PLCE1: variants seen among roughly 807,000 people sequenced by gnomAD.
The protein encoded by PLCE1 is phospholipase C epsilon 1.
PLCE1 carries 119 observed loss-of-function variants against 242.8 expected under a neutral mutation model. The ratio of observed to expected loss-of-function variants is 0.49; its 90% CI spans 0.42 to 0.57. The LOEUF (loss-of-function observed/expected upper bound fraction) is 0.57. Among genes scored for constraint, PLCE1 ranks in the 20% least tolerant of loss-of-function variants. The pLI is 0.00. For synonymous variants in PLCE1, 945 were observed against 1,017.4 expected, an observed-to-expected ratio of 0.93 and a Z score of 1.35; for missense variants, 2,441 against 2,788.8, an observed-to-expected ratio of 0.88 and a Z score of 2.81.
At chr10:94,168,675 T>A (rs185015132) in intron 3 of PLCE1, among the ~76,000 whole-genome samples, 7 of 152,340 alleles carry the variant, frequency 4.6e-5, no homozygotes, top group African/African-American at 1.7e-4. Context: ...CAGTTTCCCA[T>A]ATGACATCTT....
chr10:94,182,725 G>T (rs1039900787), intron 4 of PLCE1, among the ~76,000 whole-genome samples: 1 of 151,666 alleles, frequency 6.6e-6, no homozygotes, highest in African/African-American at 2.4e-5. Context: ...ACTATAATAG[G>T]CTATCTTAAT....
At chr10:94,308,795 T>C in intron 27 of PLCE1, 96 bp downstream of exon 27, 3 of 811,600 alleles carry the variant, frequency 3.7e-6, no homozygotes, top group Non-Finnish European at 6.6e-6. Flanking sequence ...TGTGAGTTAT[T>C]AATTAGGTAG....
intron 4 of PLCE1, among the ~76,000 whole-genome samples, chr10:94,197,481 A>G (rs1190805190): frequency 2.6e-5 from 4 of 152,178 alleles, no homozygotes; most frequent in African/African-American, 7.2e-5. Context: ...CCACATTCCT[A>G]TCAACACTTG....
chr10:94,022,731 G>A (rs918370863), intron 1 of PLCE1, among the ~76,000 whole-genome samples: 1 of 151,974 alleles, frequency 6.6e-6, no homozygotes, highest in African/African-American at 2.4e-5. Context: ...CTCAGGTAAA[G>A]TGATATGATG....
At chr10:94,135,199 T>C (rs1399920881) in intron 3 of PLCE1, among the ~76,000 whole-genome samples, 1 of 152,174 alleles carries the variant, frequency 6.6e-6, no homozygotes, top group African/African-American at 2.4e-5. Flanking sequence ...CATTCTACAA[T>C]GTATACATAT....
chr10:94,277,446 C>T (rs942194000), intron 19 of PLCE1, among the ~76,000 whole-genome samples: 2 of 152,142 alleles, frequency 1.3e-5, no homozygotes, highest in African/African-American at 4.8e-5. Context: ...ATAGAAGGGT[C>T]CCAGCTGTTG....
chr10:94,056,293 G>A (rs2043901602), intron 2 of PLCE1, among the ~76,000 whole-genome samples: 1 of 152,088 alleles, frequency 6.6e-6, no homozygotes, highest in Admixed American at 6.6e-5. Flanking sequence ...CTTTTCAGAT[G>A]GGGTTGGAAG....
intron 2 of PLCE1, among the ~76,000 whole-genome samples, chr10:94,081,002 C>G (rs960343753): frequency 6.6e-6 from 1 of 152,176 alleles, no homozygotes; most frequent in Non-Finnish European, 1.5e-5. Flanking sequence ...GTTGGAACAC[C>G]TCAAATGAAA....
chr10:94,249,823 G>C (rs1347671076), intron 8 of PLCE1, among the ~76,000 whole-genome samples: 1 of 152,046 alleles, frequency 6.6e-6, no homozygotes, highest in Non-Finnish European at 1.5e-5. Flanking sequence ...CAGAACTGAT[G>C]GCCCATAATC....
intron 20 of PLCE1, among the ~76,000 whole-genome samples, chr10:94,281,941 A>G (rs1389324966): frequency 6.6e-6 from 1 of 151,760 alleles, no homozygotes; most frequent in Non-Finnish European, 1.5e-5. Flanking sequence ...GAGAACAGAA[A>G]TCTACCTGCT....
At chr10:94,040,210 C>T (rs1037039091) in intron 2 of PLCE1, among the ~76,000 whole-genome samples, 2 of 152,204 alleles carry the variant, frequency 1.3e-5, no homozygotes, top group Non-Finnish European at 2.9e-5. Context: ...CCTGCCTCAG[C>T]CTCCGAAAGT....
intron 27 of PLCE1, among the ~76,000 whole-genome samples, chr10:94,311,574 A>G (rs1213722857): frequency 6.6e-6 from 1 of 152,222 alleles, no homozygotes; most frequent in African/African-American, 2.4e-5. Flanking sequence ...ACTGTAGATC[A>G]TCCTGGCCTT....
At chr10:94,041,653 C>T (rs2061769343) in intron 2 of PLCE1, among the ~76,000 whole-genome samples, 5 of 152,152 alleles carry the variant, frequency 3.3e-5, no homozygotes, top group Admixed American at 6.5e-5. Context: ...TCTTCAGAAC[C>T]CCCAGTGCTT....
intron 22 of PLCE1, among the ~76,000 whole-genome samples, chr10:94,289,934 ATTT>A (rs1056684260): frequency 6.6e-6 from 1 of 150,910 alleles, no homozygotes; most frequent in African/African-American, 2.4e-5. Context: ...ATAAATTTTT[ATTT>A]TTTTAACTTT....
intron 11 of PLCE1, among the ~76,000 whole-genome samples, chr10:94,255,692 T>C (rs2051047042): frequency 6.6e-6 from 1 of 152,204 alleles, no homozygotes. Context: ...AATTACTTTA[T>C]AAGTTCCATG....
chr10:94,179,175 C>A (rs1179467647), intron 4 of PLCE1, among the ~76,000 whole-genome samples: 1 of 152,110 alleles, frequency 6.6e-6, no homozygotes, highest in Admixed American at 6.6e-5. Flanking sequence ...CCAGAAATTT[C>A]TTGACTAAAA....
At chr10:94,237,565 G>A (rs1020608082) in intron 7 of PLCE1, among the ~76,000 whole-genome samples, 2 of 152,136 alleles carry the variant, frequency 1.3e-5, no homozygotes, top group Admixed American at 1.3e-4. Context: ...ACTCTTAGAA[G>A]AGGAGAAAAA....
Position 94,319,810 on chromosome 10 carries a change from C to A in PLCE1, c.6343-2091C>A, listed in dbSNP as rs550344407. Reference sequence around the variant, plus strand: ...TTTGTTCATAACCTGTGGCTTCGAACTAATGTGGCTAGAAATACCTTAAAA... The same window carrying A: ...TTTGTTCATAACCTGTGGCTTCGAAATAATGTGGCTAGAAATACCTTAAAA... On this transcript the variant is annotated intron_variant, in intron 29 of 32. Coordinates refer to ENST00000371380, the MANE Select transcript of PLCE1 (RefSeq NM_016341.4). Among the ~76,000 whole-genome samples, 325 of 149,654 alleles carry A rather than the reference C, an allele frequency of 2.2e-3. 1 individual carries two copies. Among genetic ancestry groups the A allele is most frequent in the African/African-American group, 7.7e-3 (312 of 40,644 alleles).
Position 94,258,875 on chromosome 10 carries a change from T to C in PLCE1, c.3630T>C (p.Asp1210=), listed in dbSNP as rs1464520022. ...MKGFQSFMVS[D]SNMSFVEFVE... is the part of the protein sequence containing the mutation. ...GATTTCAGAGCTTCATGGTTTCAGATAGCAACATGAGTTTTGTTGAATTTG... is the reference window on the plus strand; with the variant it reads ...GATTTCAGAGCTTCATGGTTTCAGACAGCAACATGAGTTTTGTTGAATTTG... The change falls in exon 12 of 33, where the codon GAT becomes GAC. Residue 1210 remains aspartate (D), a synonymous_variant. Transcript: ENST00000371380. 3 of 1,614,008 alleles carry C rather than the reference T, an allele frequency of 1.9e-6. No homozygotes were observed. The highest frequency in any genetic ancestry group is 2.7e-5 in the African/African-American group (2 of 74,920).
Sources: gnomAD v4.1 joint callset for allele counts (sites outside exome capture counted in the v4.1 genomes callset) on GRCh38, gnomAD v4.1.1 for gene constraint, MANE v1.5 for transcripts, NCBI Gene and HGNC (gene_info 2026-07-23, HGNC 2026-07-21) for gene names.